Variants in COL23A1 observed in about 807,000 individuals in gnomAD.
The protein encoded by COL23A1 is collagen type XXIII alpha 1 chain, also known as collagen alpha-1(XXIII) chain.
A neutral mutation model predicts 99.3 loss-of-function variants in COL23A1; 97 were observed. That is an observed-to-expected ratio of 0.98 (90% confidence interval 0.83 to 1.16). The LOEUF (loss-of-function observed/expected upper bound fraction) is 1.16. COL23A1 is among the 50% of genes most tolerant of loss of function. COL23A1 has a pLI of 0.00. For missense variants in COL23A1, 762 were observed against 757.4 expected (o/e 1.01, Z -0.07); for synonymous variants, 320 against 308.2 (o/e 1.04, Z -0.40).
At chr5:178,490,133 G>A (rs1306722644) in intron 2 of COL23A1, among the ~76,000 whole-genome samples, 2 of 152,050 alleles carry the variant, frequency 1.3e-5, no homozygotes, top group African/African-American at 4.8e-5. Flanking sequence ...GGCTGAGGCA[G>A]AAGAATCGCT....
intron 1 of COL23A1, among the ~76,000 whole-genome samples, chr5:178,575,063 C>T (rs557897583): frequency 6.6e-6 from 1 of 152,326 alleles, no homozygotes; most frequent in East Asian, 1.9e-4. Context: ...CACAGCTCCC[C>T]ACCTGTACTC....
chr5:178,491,840 T>G (rs1267209266), intron 2 of COL23A1, among the ~76,000 whole-genome samples: 2 of 152,194 alleles, frequency 1.3e-5, no homozygotes, highest in African/African-American at 4.8e-5. Flanking sequence ...GTTCAAGCAA[T>G]TCTCCTGCCT....
chr5:178,334,525 G>C (rs188300145), intron 2 of COL23A1, among the ~76,000 whole-genome samples: 1 of 152,212 alleles, frequency 6.6e-6, no homozygotes, highest in Non-Finnish European at 1.5e-5. Context: ...ACCATAACTC[G>C]GTGATTACTG....
chr5:178,372,584 CTT>C (rs932942044), intron 2 of COL23A1, among the ~76,000 whole-genome samples: 1 of 152,040 alleles, frequency 6.6e-6, no homozygotes, highest in South Asian at 2.1e-4. Context: ...TTCTTTTTTC[CTT>C]TTTCCAGACA....
At chr5:178,470,017 C>G (rs1032300217) in intron 2 of COL23A1, among the ~76,000 whole-genome samples, 3 of 152,236 alleles carry the variant, frequency 2.0e-5, no homozygotes. Flanking sequence ...AGCAGTCACT[C>G]TAGCCAGCTA....
chr5:178,346,051 T>G (rs1760951316), intron 2 of COL23A1, among the ~76,000 whole-genome samples: 1 of 152,112 alleles, frequency 6.6e-6, no homozygotes, highest in South Asian at 2.1e-4. Flanking sequence ...AAACTTGTAT[T>G]AGATATCTAT....
chr5:178,580,730 G>C (rs1763622101), intron 1 of COL23A1, among the ~76,000 whole-genome samples: 1 of 152,188 alleles, frequency 6.6e-6, no homozygotes, highest in African/African-American at 2.4e-5. Context: ...GCTCAAGAAA[G>C]GTTTCTGGCC....
intron 2 of COL23A1, among the ~76,000 whole-genome samples, chr5:178,520,550 T>C (rs1338809935): frequency 1.3e-5 from 2 of 152,124 alleles, no homozygotes; most frequent in African/African-American, 4.8e-5. Flanking sequence ...ATGAACCAGG[T>C]TGCCCCATCC....
chr5:178,425,689 A>AGAAGCC (rs1765890576), intron 2 of COL23A1, among the ~76,000 whole-genome samples: 1 of 152,158 alleles, frequency 6.6e-6, no homozygotes, highest in Non-Finnish European at 1.5e-5. Context: ...AGGGGCTGGG[A>AGAAGCC]GAAGCCGCGG....
At chr5:178,317,348 G>A (rs1202862713) in intron 2 of COL23A1, among the ~76,000 whole-genome samples, 1 of 152,110 alleles carries the variant, frequency 6.6e-6, no homozygotes, top group East Asian at 1.9e-4. Context: ...AGCCTTTACT[G>A]TTGGTTGTTA....
chr5:178,311,324 C>G (rs971562925), intron 2 of COL23A1, among the ~76,000 whole-genome samples: 1 of 152,138 alleles, frequency 6.6e-6, no homozygotes, highest in Non-Finnish European at 1.5e-5. Context: ...GTGGTGGCAA[C>G]TAGACTTGCC....
intron 2 of COL23A1, among the ~76,000 whole-genome samples, chr5:178,483,066 TG>T (rs1333519927): frequency 1.3e-5 from 2 of 152,024 alleles, no homozygotes; most frequent in Non-Finnish European, 2.9e-5. Context: ...AGTAAGACTC[TG>T]TCTCGAAAAG....
intron 2 of COL23A1, among the ~76,000 whole-genome samples, chr5:178,438,368 A>G: frequency 6.6e-6 from 1 of 152,222 alleles, no homozygotes; most frequent in East Asian, 1.9e-4. Flanking sequence ...GTTTATTTAA[A>G]TTTACTATCT....
intron 2 of COL23A1, among the ~76,000 whole-genome samples, chr5:178,470,852 G>A (rs1235979159): frequency 7.9e-5 from 12 of 152,244 alleles, no homozygotes; most frequent in Non-Finnish European, 1.5e-4. Context: ...GAGCTGCGCT[G>A]GAGAAGCCTG....
intron 2 of COL23A1, among the ~76,000 whole-genome samples, chr5:178,519,039 C>A (rs1282429942): frequency 7.3e-5 from 11 of 151,286 alleles, no homozygotes; most frequent in Non-Finnish European, 1.6e-4. Context: ...CGGGCCGCAG[C>A]GCAGCCGCGC....
intron 2 of COL23A1, among the ~76,000 whole-genome samples, chr5:178,481,801 G>C (rs594948): frequency 0.44 from 64,349 of 147,774 alleles, 14,809 homozygotes; most frequent in Admixed American, 0.54. Context: ...TATGTTCTCA[G>C]TCATAGGTGG....
intron 2 of COL23A1, among the ~76,000 whole-genome samples, chr5:178,502,282 C>T (rs1211355776): frequency 6.6e-6 from 1 of 152,188 alleles, no homozygotes; most frequent in Non-Finnish European, 1.5e-5. Context: ...CAGGCGCCCG[C>T]CACCACGCCC....
At position 178,358,308 on chromosome 5, in the gene COL23A1, GTGTGTGTA is replaced by G. The variant is rs1291618662; in HGVS notation, c.362-51397_362-51390del. 1.3e-3 allele frequency among the ~76,000 whole-genome samples: 189 copies of G among 140,650 alleles called. 1 individual carries two copies. Among genetic ancestry groups the G allele is most frequent in the African/African-American group, 5.5e-3 (180 of 32,938 alleles). The allele number at this position is 140,650 out of a possible 152,430, so 92.3% of individuals were successfully genotyped here. On this transcript the variant is annotated intron_variant, in intron 2 of 28. Coordinates refer to ENST00000390654, the MANE Select transcript of COL23A1 (RefSeq NM_173465.4). Reference sequence around the variant, plus strand: ...CGTGTGCGTATATGTATGTATGTATGTGTGTGTATGTGTATGTGTATGTATGTCTAATG... The same window carrying G: ...CGTGTGCGTATATGTATGTATGTATGTGTGTATGTGTATGTATGTCTAATG...
At chr5:178,464,215 C>T (rs900052125) in intron 2 of COL23A1, among the ~76,000 whole-genome samples, 5 of 152,184 alleles carry the variant, frequency 3.3e-5, no homozygotes, top group Admixed American at 2.0e-4. Context: ...CACTAACTCC[C>T]GATTCGGCAC....
Sources: gnomAD v4.1 joint callset for allele counts (sites outside exome capture counted in the v4.1 genomes callset) on GRCh38, gnomAD v4.1.1 for gene constraint, MANE v1.5 for transcripts, NCBI Gene and HGNC (gene_info 2026-07-23, HGNC 2026-07-21) for gene names.